GNLY: variants seen among roughly 807,000 people sequenced by gnomAD.
GNLY encodes granulysin.
A neutral mutation model predicts 18.5 loss-of-function variants in GNLY; 15 were observed. That is an observed-to-expected ratio of 0.81 (90% CI 0.54 to 1.25). The LOEUF is 1.25. Ranked by LOEUF, GNLY falls within the 50% of genes most tolerant of loss-of-function variation. The probability of loss-of-function intolerance (pLI) is 0.00; values close to 1 mark genes in which losing one functional copy is unlikely to be tolerated. For missense variants in GNLY, 178 were observed against 186.9 expected, an observed-to-expected ratio of 0.95 and a Z score of 0.28; for synonymous variants, 77 against 74.9, an observed-to-expected ratio of 1.03 and a Z score of -0.14.
Position 85,695,348 on chromosome 2 carries a change from G to C in GNLY, c.81G>C (p.Glu27Asp), listed in dbSNP as rs1430491821. 1 of 1,613,534 alleles carries C rather than the reference G, an allele frequency of 6.2e-7. No individual in the cohort carries two copies. Among genetic ancestry groups the C allele is most frequent in the Non-Finnish European group, 8.5e-7 (1 of 1,179,388 alleles). Residue 27 changes from glutamate (E) to aspartate (D), a missense_variant, in exon 2 of 5, where the codon GAG (glutamate) becomes GAC (aspartate). Transcript: ENST00000263863. ...TGGTCTTCTCTCGTCTGAGCCCTGA[G>C]TACTACGACCTGGCAAGAGCCCACC... ...PGLVFSRLSPEYYDLARAHLR... is the reference protein window; with the variant it reads ...PGLVFSRLSPDYYDLARAHLR...
At chr2:85,695,187 G>A in intron 1 of GNLY, 133 bp from the exon 2 acceptor site, 2 of 814,074 alleles carry the variant, frequency 2.5e-6, no homozygotes, top group Non-Finnish European at 2.0e-6. Flanking sequence ...ATGTGGACAG[G>A]TATCCTGGCC....
chr2:85,696,225 G>T lies in GNLY; in HGVS notation c.255+169G>T, dbSNP rs1678444888. On this transcript the variant is annotated intron_variant, in intron 3 of 4. Coordinates refer to ENST00000263863, the MANE Select transcript of GNLY (RefSeq NM_006433.5). ...CGTGTGTCTGTGGATGAATTTCAGAGAACTTGTGAAATTGTGACTCTCTGG... is the reference window on the plus strand; with the variant it reads ...CGTGTGTCTGTGGATGAATTTCAGATAACTTGTGAAATTGTGACTCTCTGG... 6.7e-6 allele frequency: 4 copies of T among 595,192 alleles called. 1 individual carries two copies. The South Asian group carries it at 8.1e-5, about 12-fold the overall frequency. 36.9% of individuals were successfully genotyped at this position (595,192 alleles called of 1,614,324 possible). A position where few individuals can be genotyped will look rare whatever the true frequency, so the allele number is the denominator to read the frequency against.
At chr2:85,694,975 G>A (rs368413871) in intron 1 of GNLY, 180 of 1,594,350 alleles carry the variant, frequency 1.1e-4, no homozygotes, top group Admixed American at 5.3e-5. Flanking sequence ...GAGTGGATTT[G>A]GCTGGGCCAT....
At position 85,697,606 on chromosome 2, in the gene GNLY, C is replaced by G. The variant is rs11127; in HGVS notation, c.356C>G (p.Thr119Ser). 2 of 1,612,996 alleles carry G rather than the reference C, an allele frequency of 1.2e-6. No individual in the cohort carries two copies. The highest frequency in any genetic ancestry group is 1.7e-6 in the Non-Finnish European group (2 of 1,179,126). Reference sequence around the variant, plus strand: ...ATGAGGAGGTATCAGTCTAGAGTTACCCAGGGCCTCGTGGCCGGAGAAACT... The same window carrying G: ...ATGAGGAGGTATCAGTCTAGAGTTAGCCAGGGCCTCGTGGCCGGAGAAACT... ...NFMRRYQSRV[T>S]QGLVAGETAQ... Residue 119 changes from threonine (T) to serine (S), a missense_variant, in exon 4 of 5, where the codon ACC (threonine) becomes AGC (serine). Physicochemically the swap from Thr to Ser is moderately conservative, Grantham distance 58. Coordinates refer to ENST00000263863, the MANE Select transcript of GNLY (RefSeq NM_006433.5).
intron 1 of GNLY, 187 bp from the exon 2 acceptor site, chr2:85,695,133 C>T (rs952824389): frequency 1.3e-5 from 12 of 933,938 alleles, no homozygotes; most frequent in Middle Eastern, 2.3e-4. Flanking sequence ...CGTGAGAACA[C>T]GTGTTTGTGC....
rs1008105427 is a variant in GNLY at position 85,696,051 on chromosome 2, A to C, written c.250A>C (p.Thr84Pro). The C allele has an allele frequency of 6.3e-7, 1 of 1,581,100 alleles. No individual in the cohort carries two copies. Among genetic ancestry groups the C allele is most frequent in the Non-Finnish European group, 8.7e-7 (1 of 1,151,260 alleles). ...ACTGAAGAAGATGGTGGATAAGCCCACCCAGGTGAGGCCAAGGGGCTACAG... is the reference window on the plus strand; with the variant it reads ...ACTGAAGAAGATGGTGGATAAGCCCCCCCAGGTGAGGCCAAGGGGCTACAG... ...QKLKKMVDKP[T>P]QRSVSNAATR... Residue 84 changes from threonine (T) to proline (P), a missense_variant, in exon 3 of 5, where the codon ACC becomes CCC. Thr to Pro is a conservative substitution (Grantham distance 38). Coordinates refer to ENST00000263863, the MANE Select transcript of GNLY (RefSeq NM_006433.5).
Position 85,698,553 on chromosome 2 carries a change from C to T in GNLY, c.428-11C>T, listed in dbSNP as rs908503524. 4.3e-6 allele frequency: 7 copies of T among 1,613,012 alleles called. No homozygotes were observed. Among genetic ancestry groups the T allele is most frequent in the Middle Eastern group, 1.6e-4 (1 of 6,078 alleles). On this transcript the variant is annotated splice_polypyrimidine_tract_variant and intron_variant, in intron 4 of 4. Transcript: ENST00000263863. ...ACATCTGCCCACAGCTGGCTGTTCTCTCCTCTCCAGGTCCCCTCTGAGCCC... is the reference window on the plus strand; with the variant it reads ...ACATCTGCCCACAGCTGGCTGTTCTTTCCTCTCCAGGTCCCCTCTGAGCCC...
intron 1 of GNLY, 74 bp downstream of exon 1, chr2:85,694,544 C>T: frequency 6.8e-7 from 1 of 1,479,850 alleles, no homozygotes; most frequent in Non-Finnish European, 9.4e-7. Flanking sequence ...GAACCTGGAG[C>T]TTGGACTCTG....
intron 1 of GNLY, 180 bp from the exon 2 acceptor site, chr2:85,695,138 TTG>T (rs1392595900): frequency 1.1e-6 from 1 of 926,506 alleles, no homozygotes; most frequent in African/African-American, 1.7e-5. Context: ...GAACACGTGT[TTG>T]TGCTGAGAGT....
Position 85,695,882 on chromosome 2 carries a change from G to A in GNLY, c.157-76G>A, listed in dbSNP as rs116332076. 2,683 of 784,822 alleles carry A rather than the reference G, an allele frequency of 3.4e-3. 44 individuals are homozygous for A. In the African/African-American group the frequency reaches 0.041, roughly 12 times the overall value. 48.6% of individuals were successfully genotyped at this position (784,822 alleles called of 1,614,324 possible). On this transcript the variant is annotated intron_variant, in intron 2 of 4. Transcript: ENST00000263863. ...TTCCTGCCGGCCTCAGAAACACAAA[G>A]GGCCCCTTTCCTGGGCACTTTCACG...
rs757250607 is a variant in GNLY at position 85,697,524 on chromosome 2, G to GC, written c.275dup (p.Thr93AspfsTer5). 6.8e-6 allele frequency: 11 copies of GC among 1,612,712 alleles called. 1 individual carries two copies. In the South Asian group the frequency reaches 9.9e-5, roughly 14 times the overall value. On this transcript the variant is annotated frameshift_variant, in exon 4 of 5. Coordinates refer to ENST00000263863, the MANE Select transcript of GNLY (RefSeq NM_006433.5). LOFTEE classifies it high-confidence loss of function. Reference sequence around the variant, plus strand: ...GCTGCAGAGAAGTGTTTCCAATGCTGCGACCCGGGTGTGTAGGACGGGGAG... The same window carrying GC: ...GCTGCAGAGAAGTGTTTCCAATGCTGCCGACCCGGGTGTGTAGGACGGGGAG...
At chr2:85,695,839 G>C in intron 2 of GNLY, 119 bp from the exon 3 acceptor site, 1 of 659,236 alleles carries the variant, frequency 1.5e-6, no homozygotes, top group Non-Finnish European at 2.7e-6. Flanking sequence ...TCCACGCTCT[G>C]GGAAGAGATC....
intron 4 of GNLY, among the ~76,000 whole-genome samples, chr2:85,698,112 C>T (rs1018741849): frequency 6.6e-6 from 1 of 152,240 alleles, no homozygotes; most frequent in African/African-American, 2.4e-5. Flanking sequence ...AGCACAGGCC[C>T]CTGGGGTCGG....
intron 4 of GNLY, among the ~76,000 whole-genome samples, chr2:85,698,056 G>T (rs543558950): frequency 1.3e-5 from 2 of 152,364 alleles, no homozygotes; most frequent in South Asian, 4.1e-4. Flanking sequence ...TCAGACTGAG[G>T]CTATTCAAGG....
rs753773150 is a variant in GNLY, at chr2:85,695,377, G to A, written c.110G>A (p.Arg37His). Residue 37 changes from arginine to histidine, a missense_variant, in exon 2 of 5, where the codon CGT (arginine) becomes CAT (histidine). Physicochemically the swap from Arg to His is conservative, Grantham distance 29 (BLOSUM62 0). Coordinates refer to ENST00000263863, the MANE Select transcript of GNLY (RefSeq NM_006433.5). ...TACGACCTGGCAAGAGCCCACCTGC[G>A]TGATGAGGAGAAATCCTGCCCGTGC... ...EYYDLARAHL[R>H]DEEKSCPCLA... is the part of the protein sequence containing the mutation. The A allele has an allele frequency of 1.2e-5, 19 of 1,613,844 alleles. No homozygotes were observed. Among genetic ancestry groups the A allele is most frequent in the African/African-American group, 5.3e-5 (4 of 74,950 alleles).
chr2:85,695,999 C>G lies in GNLY; in HGVS notation c.198C>G (p.Tyr66Ter), dbSNP rs556915721. The G allele has an allele frequency of 2.0e-5, 33 of 1,612,600 alleles. No homozygotes were observed. In the South Asian group the frequency reaches 2.9e-4, roughly 14 times the overall value. ...LTKTQELGRD[Y>*]RTCLTIVQKL... ...AAACACAGGAGCTGGGCCGTGACTA[C>G]AGGACCTGTCTGACGATAGTCCAAA... Residue 66 changes from tyrosine (Y) to a stop codon, truncating the protein, a stop_gained, in exon 3 of 5, where the codon TAC (tyrosine) becomes TAG (stop). Coordinates refer to ENST00000263863, the MANE Select transcript of GNLY (RefSeq NM_006433.5). LOFTEE classifies it high-confidence loss of function.
chr2:85,694,882 G>C, intron 1 of GNLY: 1 of 1,545,230 alleles, frequency 6.5e-7, no homozygotes, highest in South Asian at 1.2e-5. Context: ...GTTCAAGGCA[G>C]ACTTCCTGCC....
chr2:85,695,151 G>A (rs1678390978), intron 1 of GNLY, 169 bp from the exon 2 acceptor site: 4 of 858,236 alleles, frequency 4.7e-6, no homozygotes, highest in Non-Finnish European at 5.6e-6. Flanking sequence ...TGCTGAGAGT[G>A]GGTCAGAGCG....
At chr2:85,698,336 G>A (rs1399992756) in intron 4 of GNLY, 5 of 725,684 alleles carry the variant, frequency 6.9e-6, no homozygotes, top group Non-Finnish European at 9.8e-6. Flanking sequence ...GGGATTTTAT[G>A]CTGGCAGATC....
Sources: allele counts gnomAD v4.1 joint callset (sites outside exome capture counted in the v4.1 genomes callset), GRCh38; gene constraint gnomAD v4.1.1; transcripts MANE v1.5; gene names NCBI Gene and HGNC (gene_info 2026-07-23, HGNC 2026-07-21).